The following CLPTM1 variants were observed in gnomAD, a reference collection of about 807,000 sequenced individuals.
The protein encoded by CLPTM1 is CLPTM1 regulator of GABA type A receptor forward trafficking.
A neutral mutation model predicts 77.3 loss-of-function variants in CLPTM1; 21 were observed. That is an observed-to-expected ratio of 0.27 (90% CI 0.19 to 0.39). CLPTM1 has a LOEUF of 0.39. Among genes scored for constraint, CLPTM1 ranks in the 10% least tolerant of loss-of-function variants. The pLI, the probability that CLPTM1 is intolerant of heterozygous loss-of-function variation, is 1.00. For synonymous variants in CLPTM1, 373 were observed against 381.0 expected (o/e 0.98, Z 0.24); for missense variants, 642 against 921.2 (o/e 0.70, Z 3.92).
At chr19:44,961,576 C>G (rs918252202) in intron 1 of CLPTM1, among the ~76,000 whole-genome samples, 1 of 152,182 alleles carries the variant, frequency 6.6e-6, no homozygotes, top group African/African-American at 2.4e-5. Flanking sequence ...TGTTTTAGGT[C>G]TCAGCTTCAA....
In CLPTM1 at chr19:44,990,887, G is replaced by A. The variant is rs772411056; in HGVS notation, c.1361G>A (p.Arg454His). 28 of 1,613,810 alleles carry A rather than the reference G, an allele frequency of 1.7e-5. No homozygotes were observed. The highest frequency in any genetic ancestry group is 3.3e-5 in the Admixed American group (2 of 59,954). ...CACAGGGTGGCAGGAATCTTCCCCC[G>A]CCTATCCTTCAAGGACAAGTCCACG... ...REHRVAGIFP[R>H]LSFKDKSTYI... Residue 454 changes from arginine to histidine, a missense_variant, in exon 11 of 14, where the codon CGC becomes CAC. Around this residue, in one of 2 missense-constraint regions of CLPTM1, gnomAD observed 521 missense variants for 800.4 expected, o/e 0.65. Transcript: ENST00000337392. This position sits in a 1 kb window ranked among gnomAD's most constrained non-coding sequence, Gnocchi z 4.8.
In CLPTM1 at chr19:44,990,421, T is replaced by C. The variant is rs565094329; in HGVS notation, c.1159T>C (p.Ser387Pro). The C allele has an allele frequency of 6.2e-7, 1 of 1,614,046 alleles. No individual in the cohort carries two copies. The highest frequency in any genetic ancestry group is 1.3e-5 in the African/African-American group (1 of 75,036). Reference sequence around the variant, plus strand: ...TATCCAGTTCTGGAACAGCCGGCAGTCCCTGGAGGGCCTGTCCGTGCGCTC... The same window carrying C: ...TATCCAGTTCTGGAACAGCCGGCAGCCCCTGGAGGGCCTGTCCGTGCGCTC... Reference protein sequence around the residue: ...NDIQFWNSRQSLEGLSVRSVF... With the variant: ...NDIQFWNSRQPLEGLSVRSVF... Residue 387 changes from serine to proline, a missense_variant, in exon 10 of 14, where the codon TCC becomes CCC. Around this residue, in one of 2 missense-constraint regions of CLPTM1, gnomAD observed 521 missense variants for 800.4 expected, o/e 0.65. Transcript: ENST00000337392. The surrounding 1 kb of genome is among the most constrained non-coding windows in gnomAD (Gnocchi z 4.8).
chr19:44,972,926 A>C lies in CLPTM1; in HGVS notation c.186-161A>C, dbSNP rs10408974. Among the ~76,000 whole-genome samples, 423 of 152,180 alleles carry C rather than the reference A, an allele frequency of 2.8e-3. 3 individuals are homozygous for C. The highest frequency in any genetic ancestry group is 9.9e-3 in the African/African-American group (410 of 41,546). ...CAGATGTGGTCTTTAGGGACATCTT[A>C]TCTCCTTGCCAGCCCTGTGACTACC... On this transcript the variant is annotated intron_variant, in intron 2 of 13. Coordinates refer to ENST00000337392, the MANE Select transcript of CLPTM1 (RefSeq NM_001294.4).
Position 44,991,920 on chromosome 19 carries a change from G to A in CLPTM1, c.1556-313G>A, listed in dbSNP as rs1437465480. Among the ~76,000 whole-genome samples, 3 of 152,098 alleles carry A rather than the reference G, an allele frequency of 2.0e-5. No individual in the cohort carries two copies. Among genetic ancestry groups the A allele is most frequent in the South Asian group, 4.2e-4 (2 of 4,816 alleles). On this transcript the variant is annotated intron_variant, in intron 12 of 13. Coordinates refer to ENST00000337392, the MANE Select transcript of CLPTM1 (RefSeq NM_001294.4). The surrounding 1 kb of genome is among the most constrained non-coding windows in gnomAD (Gnocchi z 5.4). ...ACCCTGTCTCAAAAAACAAAAGACC[G>A]GGTGAATCACAGCCAATAGTGAGTA...
Position 44,990,629 on chromosome 19 carries a change from G to A in CLPTM1, c.1323+44G>A, listed in dbSNP as rs1315796920. 6.3e-6 allele frequency: 10 copies of A among 1,599,060 alleles called. No individual in the cohort carries two copies. The highest frequency in any genetic ancestry group is 3.4e-5 in the Admixed American group (2 of 59,438). On this transcript the variant is annotated intron_variant, in intron 10 of 13. Transcript: ENST00000337392. This position sits in a 1 kb window ranked among gnomAD's most constrained non-coding sequence, Gnocchi z 4.8. ...GCTGTCTCGGGAGCTGCAGGGGTTG[G>A]GAGGGGGTAGTGTGGCCCAGCTGGA...
chr19:44,988,239 C>T, intron 9 of CLPTM1, 66 bp downstream of exon 9: 3 of 1,141,040 alleles, frequency 2.6e-6, no homozygotes, highest in South Asian at 2.5e-5. Flanking sequence ...TGCCCCCTTC[C>T]TCCTCCCCTC....
intron 2 of CLPTM1, among the ~76,000 whole-genome samples, chr19:44,967,290 G>C: frequency 6.6e-6 from 1 of 152,050 alleles, no homozygotes; most frequent in South Asian, 2.1e-4. Flanking sequence ...CTGCACTCCA[G>C]CCTAGGCAAC....
At chr19:44,972,984 C>T (rs950023990) in intron 2 of CLPTM1, 103 bp from the exon 3 acceptor site, 172 of 1,511,324 alleles carry the variant, frequency 1.1e-4, no homozygotes, top group Middle Eastern at 3.5e-4. Flanking sequence ...GTCACTAGCC[C>T]CAGGTCAGGC....
intron 5 of CLPTM1, chr19:44,984,142 T>G (rs1329124757): frequency 6.6e-6 from 1 of 152,200 alleles, no homozygotes; most frequent in Non-Finnish European, 1.5e-5. Flanking sequence ...AGCCTCAAAG[T>G]GTTTCTCATC....
At position 44,993,106 on chromosome 19, in the gene CLPTM1, T is replaced by G. The variant is rs1325269295; in HGVS notation, c.*209T>G. On this transcript the variant is annotated 3_prime_UTR_variant, in exon 14 of 14. Coordinates refer to ENST00000337392, the MANE Select transcript of CLPTM1 (RefSeq NM_001294.4). ...GGCGCTGTCTGTCCCTCTGTCCCTCTGTGTTTCCAGCCATCTCGCCCTGCC... is the reference window on the plus strand; with the variant it reads ...GGCGCTGTCTGTCCCTCTGTCCCTCGGTGTTTCCAGCCATCTCGCCCTGCC... The G allele has an allele frequency of 2.9e-6, 2 of 681,190 alleles. No individual in the cohort carries two copies. Among genetic ancestry groups the G allele is most frequent in the East Asian group, 3.0e-5 (1 of 33,800 alleles). The allele number at this position is 681,190 out of a possible 1,614,324, so 42.2% of individuals were successfully genotyped here.
At chr19:44,956,640 G>C (rs1203035776) in intron 1 of CLPTM1, among the ~76,000 whole-genome samples, 1 of 152,200 alleles carries the variant, frequency 6.6e-6, no homozygotes, top group African/African-American at 2.4e-5. Context: ...CTCAGTTCCT[G>C]TCTTCAAGGG....
chr19:44,992,340 G>A lies in CLPTM1; in HGVS notation c.1663G>A (p.Asp555Asn). The change falls in exon 13 of 14, where the codon GAC (aspartate) becomes AAC (asparagine). Residue 555 changes from aspartate to asparagine, a missense_variant. By Grantham distance (23) the Asp-to-Asn change is conservative. This residue lies in a region of CLPTM1 where 521 missense variants were observed against 800.4 expected (regional missense o/e 0.65). Transcript: ENST00000337392. This position sits in a 1 kb window ranked among gnomAD's most constrained non-coding sequence, Gnocchi z 7.7. The stretch of plus-strand genomic sequence containing the variant: ...CAAGGCCCTCAACACATTCATCGAC[G>A]ACCTGTTCGCCTTTGTCATCAAGAT... The part of the protein sequence containing the change: ...TYKALNTFID[D>N]LFAFVIKMPV... The A allele has an allele frequency of 1.2e-6, 2 of 1,614,088 alleles. No individual in the cohort carries two copies. The highest frequency in any genetic ancestry group is 8.5e-7 in the Non-Finnish European group (1 of 1,179,976).
intron 1 of CLPTM1, among the ~76,000 whole-genome samples, chr19:44,961,164 G>C (rs573315371): frequency 3.3e-5 from 5 of 152,328 alleles, no homozygotes; most frequent in African/African-American, 9.6e-5. Flanking sequence ...TCAGCAGCCG[G>C]ATGGAGCTGG....
intron 2 of CLPTM1, among the ~76,000 whole-genome samples, chr19:44,965,331 C>T (rs1361624860): frequency 1.3e-5 from 2 of 150,516 alleles, no homozygotes; most frequent in African/African-American, 4.9e-5. Flanking sequence ...AACCCCATCT[C>T]TACTAAAAAT....
upstream of CLPTM1, chr19:44,955,107 G>A: frequency 6.5e-7 from 1 of 1,535,792 alleles, no homozygotes; most frequent in Non-Finnish European, 8.7e-7. Flanking sequence ...TGAAGGGACG[G>A]AAGGGACAGA....
intron 2 of CLPTM1, among the ~76,000 whole-genome samples, chr19:44,971,121 G>A (rs960483043): frequency 2.6e-5 from 4 of 152,034 alleles, no homozygotes; most frequent in South Asian, 2.1e-4. Context: ...TTGAGCCACC[G>A]CGCCCGGCCG....
intron 6 of CLPTM1, 127 bp from the exon 7 acceptor site, chr19:44,986,328 A>G: frequency 7.9e-7 from 1 of 1,260,830 alleles, no homozygotes; most frequent in Non-Finnish European, 1.1e-6. Flanking sequence ...GTGAGACCCC[A>G]TCTCAGAAAA....
chr19:44,964,254 C>T (rs952361123), intron 2 of CLPTM1, among the ~76,000 whole-genome samples: 3 of 143,658 alleles, frequency 2.1e-5, no homozygotes, highest in Non-Finnish European at 4.5e-5. Flanking sequence ...CACATCTGCA[C>T]ATAACATCAA....
chr19:44,954,651 GA>G, upstream of CLPTM1: 1 of 1,107,964 alleles, frequency 9.0e-7, no homozygotes, highest in Non-Finnish European at 1.1e-6. Context: ...CACAGCTAAT[GA>G]AAAATTGTGG....
Sources: allele counts gnomAD v4.1 joint callset (sites outside exome capture counted in the v4.1 genomes callset), GRCh38; gene constraint gnomAD v4.1.1; regional missense constraint gnomAD v4.1.1; non-coding constraint Gnocchi (gnomAD v3.1); transcripts MANE v1.5; gene names NCBI Gene and HGNC (gene_info 2026-07-23, HGNC 2026-07-21).